NDFIP2: variants seen among roughly 807,000 people sequenced by gnomAD.
The protein encoded by NDFIP2 is Nedd4 family interacting protein 2.
Under a neutral mutation model 36.0 loss-of-function variants are expected in NDFIP2, and 19 were observed. The ratio of observed to expected loss-of-function variants is 0.53; its 90% CI spans 0.37 to 0.77. The LOEUF (loss-of-function observed/expected upper bound fraction) is 0.77. NDFIP2 is among the 30% of genes least tolerant of loss of function. NDFIP2 has a pLI of 0.00. For missense variants in NDFIP2, 446 were observed against 435.8 expected, an observed-to-expected ratio of 1.02 and a Z score of -0.21; for synonymous variants, 181 against 167.7, an observed-to-expected ratio of 1.08 and a Z score of -0.61.
chr13:79,529,111 T>C (rs1874912826), intron 2 of NDFIP2, among the ~76,000 whole-genome samples: 1 of 152,166 alleles, frequency 6.6e-6, no homozygotes, highest in African/African-American at 2.4e-5. Flanking sequence ...GCTGTGTCAG[T>C]TTTATGGATG....
chr13:79,495,540 A>G (rs1873404398), intron 1 of NDFIP2, among the ~76,000 whole-genome samples: 1 of 151,948 alleles, frequency 6.6e-6, no homozygotes, highest in Non-Finnish European at 1.5e-5. Flanking sequence ...AACCACAATT[A>G]CTTTTGCAAC....
Position 79,481,258 on chromosome 13 carries a change from A to AGC in NDFIP2, c.63_64dup (p.Gly22AlafsTer100). 1.6e-5 allele frequency: 24 copies of AGC among 1,536,026 alleles called. No homozygotes were observed. Among genetic ancestry groups the AGC allele is most frequent in the Non-Finnish European group, 2.1e-5 (24 of 1,146,096 alleles). On this transcript the variant is annotated frameshift_variant, in exon 1 of 8. Transcript: ENST00000218652. LOFTEE classifies it high-confidence loss of function. ...CGCGAGCGGTCCGAGCATGCTCAAT[A>AGC]GCGCGCGCGGCGCCCCGGAGCTTCT...
Position 79,481,478 on chromosome 13 carries a change from C to G in NDFIP2, c.275C>G (p.Pro92Arg). ...DSLSRKPDPE[P>R]GRMDHHQPGT... ...CTCTCTCGGAAGCCGGATCCCGAGC[C>G]GGGCAGGATGGATCACCACCAGCCG... The change falls in exon 1 of 8, where the codon CCG becomes CGG. Residue 92 changes from proline (P) to arginine (R), a missense_variant. Around this residue, in one of 2 missense-constraint regions of NDFIP2, gnomAD observed 369 missense variants for 304.8 expected, o/e 1.21. Transcript: ENST00000218652. The G allele has an allele frequency of 6.4e-7, 1 of 1,561,880 alleles. No individual in the cohort carries two copies. Among genetic ancestry groups the G allele is most frequent in the Non-Finnish European group, 8.7e-7 (1 of 1,152,660 alleles).
At chr13:79,491,716 TGG>T (rs1303354755) in intron 1 of NDFIP2, among the ~76,000 whole-genome samples, 1 of 152,202 alleles carries the variant, frequency 6.6e-6, no homozygotes, top group Non-Finnish European at 1.5e-5. Flanking sequence ...AACTGTGGAA[TGG>T]TATGGAATCT....
intron 1 of NDFIP2, among the ~76,000 whole-genome samples, chr13:79,512,147 G>C (rs993509430): frequency 1.8e-4 from 28 of 152,098 alleles, no homozygotes; most frequent in Non-Finnish European, 2.8e-4. Context: ...TGGAGAATCT[G>C]TCAAAATGTC....
rs1335497407 is a variant in NDFIP2 at position 79,481,356 on chromosome 13, G to A, written c.153G>A (p.Pro51=). 3.2e-6 allele frequency: 5 copies of A among 1,551,206 alleles called. No individual in the cohort carries two copies. The African/African-American group carries it at 4.1e-5, about 13-fold the overall frequency. ...AGATGSEELP[P]GDRGCRNGGG... is the part of the protein sequence containing the mutation. Reference sequence around the variant, plus strand: ...CCACAGGAAGTGAAGAGCTTCCGCCGGGAGACCGCGGCTGCAGGAACGGAG... The same window carrying A: ...CCACAGGAAGTGAAGAGCTTCCGCCAGGAGACCGCGGCTGCAGGAACGGAG... Residue 51 remains proline (P), a synonymous_variant, in exon 1 of 8, where the codon CCG becomes CCA. Coordinates refer to ENST00000218652, the MANE Select transcript of NDFIP2 (RefSeq NM_019080.3).
At chr13:79,497,001 CT>C (rs1461437280) in intron 1 of NDFIP2, among the ~76,000 whole-genome samples, 3 of 151,874 alleles carry the variant, frequency 2.0e-5, no homozygotes, top group Admixed American at 1.3e-4. Context: ...TAACTATAAC[CT>C]GAATCATCTT....
intron 5 of NDFIP2, among the ~76,000 whole-genome samples, chr13:79,545,443 A>G (rs1875630014): frequency 1.3e-5 from 2 of 152,218 alleles, no homozygotes; most frequent in Non-Finnish European, 2.9e-5. Context: ...ACTGTCATCA[A>G]GTTTGATCAC....
At chr13:79,544,053 A>G (rs1337359854) in intron 5 of NDFIP2, among the ~76,000 whole-genome samples, 1 of 152,192 alleles carries the variant, frequency 6.6e-6, no homozygotes, top group Non-Finnish European at 1.5e-5. Context: ...TACCTTATCC[A>G]GTTACTGCAC....
At chr13:79,497,735 G>A (rs796389590) in intron 1 of NDFIP2, among the ~76,000 whole-genome samples, 17 of 145,994 alleles carry the variant, frequency 1.2e-4, no homozygotes, top group African/African-American at 4.0e-4. Context: ...TTTCATGTTG[G>A]AAGTTTTCTT....
chr13:79,519,283 G>T (rs1010608901), intron 1 of NDFIP2: 15 of 152,128 alleles, frequency 9.9e-5, no homozygotes, highest in Non-Finnish European at 1.9e-4. Context: ...TGGAAAACTA[G>T]TAGTTTCTTT....
chr13:79,492,293 T>C (rs1277898160), intron 1 of NDFIP2, among the ~76,000 whole-genome samples: 2 of 150,830 alleles, frequency 1.3e-5, no homozygotes, highest in African/African-American at 4.9e-5. Context: ...GTGTTCAAAG[T>C]GACAGCTTTT....
At chr13:79,484,090 A>G (rs1370593710) in intron 1 of NDFIP2, among the ~76,000 whole-genome samples, 2 of 151,994 alleles carry the variant, frequency 1.3e-5, no homozygotes. Flanking sequence ...ATCTCGGCTC[A>G]CTGCAACATC....
chr13:79,548,309 A>T lies in NDFIP2; in HGVS notation c.841-19A>T. On this transcript the variant is annotated intron_variant, in intron 5 of 7. Coordinates refer to ENST00000218652, the MANE Select transcript of NDFIP2 (RefSeq NM_019080.3). ...TCAGGTGTATGAATTCGGTTAATAT[A>T]TTTATGTTCACTCCATAGTTTTCTG... 1.3e-6 allele frequency: 2 copies of T among 1,520,810 alleles called. No homozygotes were observed. Among genetic ancestry groups the T allele is most frequent in the Non-Finnish European group, 1.8e-6 (2 of 1,107,856 alleles). The allele number at this position is 1,520,810 out of a possible 1,614,324, so 94.2% of individuals were successfully genotyped here. A position where few individuals can be genotyped will look rare whatever the true frequency, so the allele number is the denominator to read the frequency against.
chr13:79,519,273 T>C (rs893591513), intron 1 of NDFIP2: 1 of 152,218 alleles, frequency 6.6e-6, no homozygotes, highest in Non-Finnish European at 1.5e-5. Context: ...TTAAATAATA[T>C]GGAAAACTAG....
chr13:79,548,180 T>C, intron 5 of NDFIP2, 148 bp from the exon 6 acceptor site: 2 of 650,780 alleles, frequency 3.1e-6, no homozygotes, highest in Admixed American at 5.9e-5. Flanking sequence ...GTATGCTGTG[T>C]ATGCCATTAA....
intron 1 of NDFIP2, among the ~76,000 whole-genome samples, chr13:79,488,578 TTGTCAGATTTA>T (rs1457548883): frequency 1.3e-5 from 2 of 152,190 alleles, no homozygotes; most frequent in Non-Finnish European, 2.9e-5. Context: ...TGAGTGCCCT[TTGTCAGATTTA>T]TGCTAAAGGT....
At chr13:79,531,501 A>G (rs1267520014) in intron 2 of NDFIP2, among the ~76,000 whole-genome samples, 1 of 152,228 alleles carries the variant, frequency 6.6e-6, no homozygotes, top group African/African-American at 2.4e-5. Flanking sequence ...TGTGTCATCT[A>G]CATTGAAAAT....
intron 1 of NDFIP2, among the ~76,000 whole-genome samples, chr13:79,511,003 A>C (rs1028692727): frequency 6.6e-6 from 1 of 151,472 alleles, no homozygotes; most frequent in African/African-American, 2.4e-5. Flanking sequence ...TGTCTCAAAA[A>C]AAAAAAAAAA....
Sources: gnomAD v4.1 joint callset for allele counts (sites outside exome capture counted in the v4.1 genomes callset) on GRCh38, gnomAD v4.1.1 for gene constraint, gnomAD v4.1.1 regional missense constraint, MANE v1.5 for transcripts, NCBI Gene and HGNC (gene_info 2026-07-23, HGNC 2026-07-21) for gene names.